Variants in SPATS2 observed in about 807,000 individuals in gnomAD.
The protein encoded by SPATS2 is spermatogenesis-associated serine-rich protein 2.
Under a neutral mutation model 63.7 loss-of-function variants are expected in SPATS2, and 38 were observed. The ratio of observed to expected loss-of-function variants is 0.60; its 90% CI spans 0.46 to 0.78. The LOEUF is 0.78. Among genes scored for constraint, SPATS2 ranks in the 30% least tolerant of loss-of-function variants. SPATS2 has a pLI of 0.00. For synonymous variants in SPATS2, 207 were observed against 232.9 expected, an observed-to-expected ratio of 0.89 and a Z score of 1.01; for missense variants, 588 against 666.2, an observed-to-expected ratio of 0.88 and a Z score of 1.29.
chr12:49,372,940 T>TTGTGTGTGTG (rs56940721), intron 2 of SPATS2, among the ~76,000 whole-genome samples: 273 of 130,132 alleles, frequency 2.1e-3, no homozygotes, highest in Non-Finnish European at 3.3e-3. Flanking sequence ...ATTTTCTGTT[T>TTGTGTGTGTG]TGTGTGTGTG....
intron 2 of SPATS2, among the ~76,000 whole-genome samples, chr12:49,436,530 C>A (rs1462425831): frequency 7.8e-6 from 1 of 128,050 alleles, no homozygotes; most frequent in African/African-American, 3.0e-5. Flanking sequence ...GGGGGGCTGA[C>A]CCCCCCGCCT....
chr12:49,484,777 T>C (rs570739459), intron 4 of SPATS2, 108 bp downstream of exon 4: 3 of 911,748 alleles, frequency 3.3e-6, no homozygotes. Context: ...ATTTTAAGAA[T>C]AAAACAATGC....
chr12:49,440,326 A>C (rs1945394493), intron 2 of SPATS2, among the ~76,000 whole-genome samples: 1 of 152,132 alleles, frequency 6.6e-6, no homozygotes, highest in South Asian at 2.1e-4. Context: ...CCATCTAGCC[A>C]GTTGTCCCAT....
At chr12:49,480,574 C>T (rs1946189480) in intron 3 of SPATS2, among the ~76,000 whole-genome samples, 1 of 152,124 alleles carries the variant, frequency 6.6e-6, no homozygotes, top group Non-Finnish European at 1.5e-5. Context: ...TCAACGCCTA[C>T]AGCAGTACAT....
At chr12:49,441,804 G>C (rs1044496330) in intron 2 of SPATS2, 1 of 152,144 alleles carries the variant, frequency 6.6e-6, no homozygotes, top group African/African-American at 2.4e-5. Context: ...TTCAGATGTT[G>C]ATAAGCCGTT....
Position 49,389,903 on chromosome 12 carries a change from A to G in SPATS2, c.-244+18613A>G. The G allele has an allele frequency of 4.9e-6, 4 of 813,586 alleles. No individual in the cohort carries two copies. The South Asian group carries it at 5.3e-5, about 11-fold the overall frequency. The allele number at this position is 813,586 out of a possible 1,614,324, so 50.4% of individuals were successfully genotyped here. ...GAAAAATAATGAAGTTAACAAAAGC[A>G]GCACTCCAAGGATACAGGCACATGT... On this transcript the variant is annotated intron_variant, in intron 2 of 13. Coordinates refer to ENST00000552918, the MANE Select transcript of SPATS2 (RefSeq NM_023071.4).
chr12:49,441,062 G>T (rs1945409626), intron 2 of SPATS2, among the ~76,000 whole-genome samples: 1 of 152,104 alleles, frequency 6.6e-6, no homozygotes, highest in Non-Finnish European at 1.5e-5. Context: ...TGCTTAGATG[G>T]TGTTTGCTAT....
At chr12:49,419,973 G>A (rs1252447447) in intron 2 of SPATS2, among the ~76,000 whole-genome samples, 1 of 152,206 alleles carries the variant, frequency 6.6e-6, no homozygotes, top group African/African-American at 2.4e-5. Flanking sequence ...TCTTGAGACA[G>A]TCCTTTATTT....
At chr12:49,394,499 C>T (rs1464827119) in intron 2 of SPATS2, among the ~76,000 whole-genome samples, 2 of 151,956 alleles carry the variant, frequency 1.3e-5, no homozygotes, top group Admixed American at 1.3e-4. Flanking sequence ...AGATATATAA[C>T]TCCTTTTATT....
intron 10 of SPATS2, among the ~76,000 whole-genome samples, chr12:49,517,751 A>G (rs565022095): frequency 2.6e-5 from 4 of 152,282 alleles, no homozygotes; most frequent in Admixed American, 6.5e-5. Flanking sequence ...CTGCCCTTTG[A>G]GTTCTGCTTA....
intron 3 of SPATS2, chr12:49,462,874 C>T: frequency 5.1e-6 from 1 of 194,206 alleles, no homozygotes; most frequent in Non-Finnish European, 1.1e-5. Flanking sequence ...TTTATAGGCA[C>T]AGAATGGGGC....
At chr12:49,461,914 A>G (rs1945828138) in intron 3 of SPATS2, among the ~76,000 whole-genome samples, 1 of 152,210 alleles carries the variant, frequency 6.6e-6, no homozygotes, top group Admixed American at 6.5e-5. Context: ...TGTTCTGTGG[A>G]ATGAAATTTA....
At chr12:49,525,554 G>A (rs1386315558) in intron 13 of SPATS2, among the ~76,000 whole-genome samples, 1 of 152,184 alleles carries the variant, frequency 6.6e-6, no homozygotes, top group Non-Finnish European at 1.5e-5. Context: ...AGGCCATAGT[G>A]ATGTTTACTT....
intron 3 of SPATS2, among the ~76,000 whole-genome samples, chr12:49,476,532 A>G (rs1946121184): frequency 1.3e-5 from 2 of 152,126 alleles, no homozygotes; most frequent in African/African-American, 4.8e-5. Flanking sequence ...CTGCCTATGG[A>G]TGGTAGGTTG....
intron 3 of SPATS2, among the ~76,000 whole-genome samples, chr12:49,464,330 T>A (rs1945871315): frequency 6.6e-6 from 1 of 151,508 alleles, no homozygotes; most frequent in African/African-American, 2.4e-5. Flanking sequence ...ATAGTAAGAC[T>A]CTGTCTTAGC....
intron 2 of SPATS2, among the ~76,000 whole-genome samples, chr12:49,396,408 G>A (rs1944512819): frequency 6.6e-6 from 1 of 152,068 alleles, no homozygotes; most frequent in Non-Finnish European, 1.5e-5. Flanking sequence ...ATTTCCTCGT[G>A]GGAGGTTTGT....
At chr12:49,414,351 A>G (rs1191494107) in intron 2 of SPATS2, among the ~76,000 whole-genome samples, 2 of 152,148 alleles carry the variant, frequency 1.3e-5, no homozygotes, top group Non-Finnish European at 1.5e-5. Context: ...GAAACAATCT[A>G]TGAGGTACCA....
At chr12:49,378,118 G>C (rs911983976) in intron 2 of SPATS2, among the ~76,000 whole-genome samples, 1 of 151,944 alleles carries the variant, frequency 6.6e-6, no homozygotes, top group Non-Finnish European at 1.5e-5. Flanking sequence ...GATTATAGGT[G>C]CTCGCCACCA....
intron 2 of SPATS2, among the ~76,000 whole-genome samples, 180 bp from the exon 3 acceptor site, chr12:49,460,590 A>G (rs1471604198): frequency 1.3e-5 from 2 of 152,242 alleles, no homozygotes; most frequent in East Asian, 3.8e-4. Flanking sequence ...GGATAATCTG[A>G]TTCTAAGATT....
Sources: gnomAD v4.1 joint callset for allele counts (sites outside exome capture counted in the v4.1 genomes callset) on GRCh38, gnomAD v4.1.1 for gene constraint, MANE v1.5 for transcripts, NCBI Gene and HGNC (gene_info 2026-07-23, HGNC 2026-07-21) for gene names.